ZNF679: variants seen among roughly 807,000 people sequenced by gnomAD.
The protein encoded by ZNF679 is hypothetical protein MGC42415.
A neutral mutation model predicts 13.4 loss-of-function variants in ZNF679; 10 were observed. That is an observed-to-expected ratio of 0.75 (90% CI 0.46 to 1.27). The LOEUF (loss-of-function observed/expected upper bound fraction) is 1.27, where lower values mean the gene tolerates loss of function less well. ZNF679 is among the 50% of genes most tolerant of loss of function. The probability of loss-of-function intolerance (pLI) is 0.00; values close to 1 mark genes in which losing one functional copy is unlikely to be tolerated. For missense variants in ZNF679, 525 were observed against 477.8 expected (o/e 1.10, Z -0.92); for synonymous variants, 179 against 162.5 (o/e 1.10, Z -0.77).
chr7:64,257,584 C>G (rs1788019892), intron 2 of ZNF679, among the ~76,000 whole-genome samples: 1 of 152,210 alleles, frequency 6.6e-6, no homozygotes, highest in Non-Finnish European at 1.5e-5. Context: ...TATTCTGTGA[C>G]ATGCTCCTGA....
intron 1 of ZNF679, among the ~76,000 whole-genome samples, chr7:64,244,114 G>A (rs917654271): frequency 7.9e-5 from 12 of 152,044 alleles, no homozygotes; most frequent in African/African-American, 2.9e-4. Flanking sequence ...GCCAGGTGTG[G>A]TGATGGGCAT....
intron 1 of ZNF679, among the ~76,000 whole-genome samples, chr7:64,230,338 C>A (rs1787619672): frequency 1.3e-5 from 2 of 151,512 alleles, no homozygotes; most frequent in South Asian, 4.2e-4. Flanking sequence ...TCGAGACCAT[C>A]CTGGCTAACA....
intron 1 of ZNF679, among the ~76,000 whole-genome samples, chr7:64,234,949 C>A (rs929113492): frequency 1.3e-5 from 2 of 152,206 alleles, no homozygotes; most frequent in African/African-American, 4.8e-5. Flanking sequence ...GCGATTCTTG[C>A]GCCTCAGCCT....
At chr7:64,254,165 C>T (rs1787974584) in intron 2 of ZNF679, among the ~76,000 whole-genome samples, 1 of 151,518 alleles carries the variant, frequency 6.6e-6, no homozygotes. Flanking sequence ...TGCTCTGTCA[C>T]CCAGGCTGGA....
Position 64,266,234 on chromosome 7 carries a change from C to T in ZNF679, c.601C>T (p.Gln201Ter). The T allele has an allele frequency of 1.3e-6, 2 of 1,580,384 alleles. No individual in the cohort carries two copies. Among genetic ancestry groups the T allele is most frequent in the Non-Finnish European group, 8.6e-7 (1 of 1,161,774 alleles). The change falls in exon 5 of 5, where the codon CAA becomes TAA. Residue 201 changes from glutamine to a stop codon, truncating the protein, a stop_gained. Coordinates refer to ENST00000421025, the MANE Select transcript of ZNF679 (RefSeq NM_153363.3). LOFTEE classifies it low-confidence loss of function (END_TRUNC). Reference sequence around the variant, plus strand: ...ATTTTGCATGGTTTCACAACTACATCAACATCAGATAATTCATACTAGGGA... The same window carrying T: ...ATTTTGCATGGTTTCACAACTACATTAACATCAGATAATTCATACTAGGGA... ...KSFCMVSQLH[Q>*]HQIIHTRENS...
chr7:64,237,517 C>T (rs557143224), intron 1 of ZNF679, among the ~76,000 whole-genome samples: 3 of 152,176 alleles, frequency 2.0e-5, no homozygotes, highest in East Asian at 3.9e-4. Context: ...GTCTCCATTC[C>T]CCAAAAGACT....
chr7:64,229,734 T>C (rs1787610533), intron 1 of ZNF679, among the ~76,000 whole-genome samples: 1 of 152,186 alleles, frequency 6.6e-6, no homozygotes, highest in African/African-American at 2.4e-5. Context: ...AAATCTGTTG[T>C]ATTTGCTGGG....
intron 1 of ZNF679, among the ~76,000 whole-genome samples, chr7:64,230,387 G>T (rs1787620281): frequency 6.6e-6 from 1 of 151,818 alleles, no homozygotes; most frequent in South Asian, 2.1e-4. Context: ...CAAAAAATTA[G>T]CCGGGCGCGG....
intron 1 of ZNF679, among the ~76,000 whole-genome samples, chr7:64,230,425 G>C (rs1048327388): frequency 1.2e-4 from 18 of 151,742 alleles, no homozygotes; most frequent in Non-Finnish European, 1.8e-4. Flanking sequence ...CCCAGCTACT[G>C]GGGAGGCTGA....
intron 2 of ZNF679, among the ~76,000 whole-genome samples, chr7:64,256,856 C>T (rs1030264451): frequency 6.6e-6 from 1 of 152,058 alleles, no homozygotes; most frequent in African/African-American, 2.4e-5. Flanking sequence ...CGCCACCATG[C>T]CCAGCTAATA....
intron 1 of ZNF679, among the ~76,000 whole-genome samples, chr7:64,231,309 C>T (rs2116504095): frequency 6.6e-6 from 1 of 152,240 alleles, no homozygotes; most frequent in African/African-American, 2.4e-5. Context: ...AGGGACCAGG[C>T]AGAAGTTCAC....
At chr7:64,259,990 A>G (rs1258128639) in intron 2 of ZNF679, among the ~76,000 whole-genome samples, 2 of 152,152 alleles carry the variant, frequency 1.3e-5, no homozygotes, top group Admixed American at 6.6e-5. Flanking sequence ...TGATGCCCTT[A>G]ATTTAATAAT....
intron 1 of ZNF679, among the ~76,000 whole-genome samples, chr7:64,243,488 A>G (rs1277163011): frequency 6.6e-6 from 1 of 152,194 alleles, no homozygotes; most frequent in African/African-American, 2.4e-5. Context: ...GGGCCCAGTG[A>G]TATGTAACCA....
At chr7:64,231,849 A>G (rs1189398122) in intron 1 of ZNF679, among the ~76,000 whole-genome samples, 2 of 152,224 alleles carry the variant, frequency 1.3e-5, no homozygotes, top group African/African-American at 4.8e-5. Flanking sequence ...TGCTAGGCAA[A>G]GGTAGATGTC....
At position 64,256,354 on chromosome 7, in the gene ZNF679, C is replaced by T. The variant is rs557493744; in HGVS notation, c.40-3867C>T. Among the ~76,000 whole-genome samples, 16 of 152,212 alleles carry T rather than the reference C, an allele frequency of 1.1e-4. No individual in the cohort carries two copies. In the South Asian group the frequency reaches 3.1e-3, roughly 30 times the overall value. On this transcript the variant is annotated intron_variant, in intron 2 of 4. Coordinates refer to ENST00000421025, the MANE Select transcript of ZNF679 (RefSeq NM_153363.3). ...CAGGTTTATGTCTTGTTTTTCATAT[C>T]GTAAATAGTGCTGTAATAAACATGT...
At chr7:64,246,212 A>C (rs2082662) in intron 1 of ZNF679, among the ~76,000 whole-genome samples, 45,261 of 152,046 alleles carry the variant, frequency 0.3, 7,584 homozygotes, top group East Asian at 0.48. Flanking sequence ...TATCTGTCTT[A>C]GGAGACACTC....
intron 4 of ZNF679, among the ~76,000 whole-genome samples, chr7:64,261,773 T>G (rs558148930): frequency 6.6e-6 from 1 of 152,230 alleles, no homozygotes; most frequent in Non-Finnish European, 1.5e-5. Context: ...AAATTATTAA[T>G]TTTGTGCAAC....
intron 1 of ZNF679, among the ~76,000 whole-genome samples, chr7:64,229,082 A>C (rs1445404179): frequency 1.3e-5 from 2 of 152,142 alleles, no homozygotes; most frequent in Non-Finnish European, 2.9e-5. Flanking sequence ...CGTTACCCTA[A>C]GCCCAGGCAG....
intron 4 of ZNF679, among the ~76,000 whole-genome samples, chr7:64,262,314 A>G (rs1256928313): frequency 9.3e-4 from 142 of 152,318 alleles, no homozygotes; most frequent in South Asian, 7.9e-3. Context: ...TTACTTGATT[A>G]CAGAAATTTT....
Sources: gnomAD v4.1 joint callset for allele counts (sites outside exome capture counted in the v4.1 genomes callset) on GRCh38, gnomAD v4.1.1 for gene constraint, MANE v1.5 for transcripts, NCBI Gene and HGNC (gene_info 2026-07-23, HGNC 2026-07-21) for gene names.